Variants in SGCD observed in about 807,000 individuals in gnomAD.
SGCD encodes delta-sarcoglycan.
In SGCD, 18 loss-of-function variants were observed where a neutral mutation model predicts 36.6. The ratio of observed to expected loss-of-function variants is 0.49; its 90% CI spans 0.34 to 0.73. The LOEUF is 0.73. Ranked by LOEUF, SGCD falls within the 30% of genes least tolerant of loss-of-function variation. The pLI is 0.01. For synonymous variants in SGCD, 133 were observed against 130.6 expected (o/e 1.02, Z -0.12); for missense variants, 387 against 346.7 (o/e 1.12, Z -0.92).
At chr5:156,226,890 ATCT>A (rs1336796224) in intron 3 of SGCD, among the ~76,000 whole-genome samples, 2 of 151,446 alleles carry the variant, frequency 1.3e-5, no homozygotes, top group Non-Finnish European at 2.9e-5. Flanking sequence ...CCATTTGTGT[ATCT>A]TGTTTTGAGA....
the SGCD span, among the ~76,000 whole-genome samples, chr5:155,833,865 T>G: frequency 6.6e-6 from 1 of 152,240 alleles, no homozygotes; most frequent in South Asian, 2.1e-4. Flanking sequence ...GGCCTCTGGC[T>G]ACATGAGAAC....
intron 1 of SGCD, among the ~76,000 whole-genome samples, chr5:155,884,145 G>A (rs72797611): frequency 2.6e-5 from 4 of 152,108 alleles, no homozygotes; most frequent in East Asian, 1.9e-4. Flanking sequence ...GCTGTGACCC[G>A]GGTGACACCT....
At chr5:156,581,329 G>T (rs1308468103) in intron 4 of SGCD, among the ~76,000 whole-genome samples, 1 of 152,182 alleles carries the variant, frequency 6.6e-6, no homozygotes, top group Non-Finnish European at 1.5e-5. Context: ...TGAGGTGTTA[G>T]TTGGCCCCTA....
rs1761324742 is a variant in SGCD at position 156,094,295 on chromosome 5, A to G, written c.-281-23583A>G. ...CAGCTGCAGGAACAGTCACTTCCAGAACAGCCAGATTCAGGGCATTTTAAA... is the reference window on the plus strand; with the variant it reads ...CAGCTGCAGGAACAGTCACTTCCAGGACAGCCAGATTCAGGGCATTTTAAA... On this transcript the variant is annotated intron_variant, in intron 1 of 9. Transcript: ENST00000517913. Among the ~76,000 whole-genome samples the G allele has an allele frequency of 2.0e-5, 3 of 152,312 alleles. No individual in the cohort carries two copies. In the South Asian group the frequency reaches 6.2e-4, roughly 32 times the overall value.
At chr5:155,805,113 G>A in the SGCD span, among the ~76,000 whole-genome samples, 10 of 152,090 alleles carry the variant, frequency 6.6e-5, no homozygotes, top group African/African-American at 1.9e-4. Context: ...AGAAAATATG[G>A]GTGTACATGG....
intron 7 of SGCD, among the ~76,000 whole-genome samples, chr5:156,691,777 C>G (rs1256089951): frequency 2.0e-5 from 3 of 152,062 alleles, no homozygotes; most frequent in African/African-American, 7.2e-5. Context: ...TATTATGGAC[C>G]CCAGCAACCG....
the SGCD span, among the ~76,000 whole-genome samples, chr5:155,820,254 A>G: frequency 2.6e-5 from 4 of 152,266 alleles, no homozygotes; most frequent in Admixed American, 2.0e-4. Flanking sequence ...TCCCTTAGAA[A>G]AACTACTTTT....
rs536395191 is a variant in SGCD at position 156,162,037 on chromosome 5, C to G, written c.-44+38018C>G. Among the ~76,000 whole-genome samples the G allele has an allele frequency of 2.7e-5, 4 of 150,780 alleles. No individual in the cohort carries two copies. The South Asian group carries it at 8.3e-4, about 31-fold the overall frequency. On this transcript the variant is annotated intron_variant, in intron 3 of 9. Transcript: ENST00000517913. ...GGAGTAAATTTCAAGTGCCAGGGTT[C>G]CTTACCCTAGATTCTCTAGGAAACA...
At chr5:156,012,614 AT>A (rs56739452) in intron 1 of SGCD, among the ~76,000 whole-genome samples, 85,001 of 138,452 alleles carry the variant, frequency 0.61, 25,557 homozygotes, top group East Asian at 0.77. Flanking sequence ...CACAGAGATA[AT>A]TTTTTTTTTT....
At chr5:156,544,473 C>G (rs180838305) in intron 4 of SGCD, among the ~76,000 whole-genome samples, 1 of 152,244 alleles carries the variant, frequency 6.6e-6, no homozygotes, top group Non-Finnish European at 1.5e-5. Flanking sequence ...CAACTCCTAG[C>G]CCACTCCACC....
At chr5:156,706,620 C>G (rs1294865365) in intron 7 of SGCD, among the ~76,000 whole-genome samples, 1 of 152,052 alleles carries the variant, frequency 6.6e-6, no homozygotes, top group Non-Finnish European at 1.5e-5. Context: ...ACTTTGCTGG[C>G]CTTTCCTGGG....
chr5:155,890,924 G>A (rs1019690439), intron 1 of SGCD, among the ~76,000 whole-genome samples: 3 of 152,136 alleles, frequency 2.0e-5, no homozygotes, highest in Non-Finnish European at 4.4e-5. Context: ...CTGCTCTCAA[G>A]AGACAGCAGA....
At chr5:156,578,224 T>A (rs1361924392) in intron 4 of SGCD, among the ~76,000 whole-genome samples, 2 of 152,214 alleles carry the variant, frequency 1.3e-5, no homozygotes. Context: ...ATTTATTGAT[T>A]TGCATATGTT....
At chr5:155,881,295 AAAATAAAT>A (rs6149303) in intron 1 of SGCD, among the ~76,000 whole-genome samples, 3,071 of 145,586 alleles carry the variant, frequency 0.021, 107 homozygotes, top group African/African-American at 0.073. Context: ...ACCTCACCAC[AAAATAAAT>A]AAATAAATAA....
chr5:156,637,712 T>C (rs1762881934), intron 6 of SGCD, among the ~76,000 whole-genome samples: 1 of 152,118 alleles, frequency 6.6e-6, no homozygotes, highest in South Asian at 2.1e-4. Context: ...GAAATGGTTG[T>C]TGACAAGGAA....
chr5:155,799,816 T>C, the SGCD span, among the ~76,000 whole-genome samples: 32 of 134,026 alleles, frequency 2.4e-4, no homozygotes, highest in African/African-American at 8.9e-4. Context: ...ATTCCCCTTT[T>C]TTTTTTTTTT....
chr5:155,849,394 T>C, the SGCD span, among the ~76,000 whole-genome samples: 5 of 151,862 alleles, frequency 3.3e-5, no homozygotes, highest in Admixed American at 2.0e-4. Context: ...CTTAATGTGA[T>C]ACAGGCACAC....
chr5:156,425,691 G>A (rs1405528035), intron 3 of SGCD, among the ~76,000 whole-genome samples: 2 of 151,754 alleles, frequency 1.3e-5, no homozygotes, highest in Non-Finnish European at 2.9e-5. Context: ...CCAGTATGTA[G>A]CCTTTTATCC....
At chr5:156,595,763 T>C (rs892889077) in intron 6 of SGCD, among the ~76,000 whole-genome samples, 1 of 152,248 alleles carries the variant, frequency 6.6e-6, no homozygotes, top group African/African-American at 2.4e-5. Flanking sequence ...TAGGAAACTT[T>C]GGAAGGGTTT....
Sources: allele counts gnomAD v4.1 joint callset (sites outside exome capture counted in the v4.1 genomes callset), GRCh38; gene constraint gnomAD v4.1.1; transcripts MANE v1.5; gene names NCBI Gene and HGNC (gene_info 2026-07-23, HGNC 2026-07-21).